The following RNF145 variants were observed in gnomAD, a reference collection of about 807,000 sequenced individuals.
RNF145 encodes the protein ring finger protein 145.
RNF145 carries 12 observed loss-of-function variants against 57.3 expected under a neutral mutation model. The ratio of observed to expected loss-of-function variants is 0.21; its 90% CI spans 0.13 to 0.34. RNF145 has a LOEUF of 0.34. Ranked by LOEUF, RNF145 falls within the 10% of genes least tolerant of loss-of-function variation. The probability of loss-of-function intolerance (pLI) is 1.00; values close to 1 mark genes in which losing one functional copy is unlikely to be tolerated. For synonymous variants in RNF145, 262 were observed against 288.3 expected, an observed-to-expected ratio of 0.91 and a Z score of 0.92; for missense variants, 429 against 799.0, an observed-to-expected ratio of 0.54 and a Z score of 5.58.
chr5:159,159,113 C>A, intron 10 of RNF145, 78 bp from the exon 11 acceptor site: 1 of 1,319,698 alleles, frequency 7.6e-7, no homozygotes. Flanking sequence ...AGTTCTGGTT[C>A]TAACATCTCT....
intron 4 of RNF145, among the ~76,000 whole-genome samples, chr5:159,180,655 T>C (rs1423339239): frequency 6.6e-6 from 1 of 152,034 alleles, no homozygotes; most frequent in African/African-American, 2.4e-5. Context: ...AAGAAACAAG[T>C]GAAATCAACA....
chr5:159,184,961 G>C (rs1785011263), intron 3 of RNF145, among the ~76,000 whole-genome samples: 1 of 152,134 alleles, frequency 6.6e-6, no homozygotes, highest in Admixed American at 6.5e-5. Context: ...TGACAGCCCT[G>C]ATGTTAAGTG....
intron 3 of RNF145, among the ~76,000 whole-genome samples, chr5:159,191,925 C>T (rs2116785): frequency 0.054 from 8,267 of 151,978 alleles, 247 homozygotes; most frequent in Middle Eastern, 0.089. Flanking sequence ...ACTTAGGTCC[C>T]CTTTTTCCTT....
intron 5 of RNF145, among the ~76,000 whole-genome samples, chr5:159,175,789 C>T (rs1478591926): frequency 6.6e-6 from 1 of 152,170 alleles, no homozygotes; most frequent in African/African-American, 2.4e-5. Flanking sequence ...GAATACTTCA[C>T]TTAGCTGTTA....
At position 159,157,513 on chromosome 5, in the gene RNF145, C is replaced by T. The variant is rs528862679; in HGVS notation, c.*1157G>A. ...AAAGTCACATCCCACATTAGGAATACCGAGGTCTGAAAAACACTTTTTGAG... is the reference window on the plus strand; with the variant it reads ...AAAGTCACATCCCACATTAGGAATATCGAGGTCTGAAAAACACTTTTTGAG... On this transcript the variant is annotated 3_prime_UTR_variant, in exon 11 of 11. Coordinates refer to ENST00000424310, the MANE Select transcript of RNF145 (RefSeq NM_001199383.2). 1 of 152,808 alleles carries T rather than the reference C, an allele frequency of 6.5e-6. No homozygotes were observed. Among genetic ancestry groups the T allele is most frequent in the South Asian group, 2.1e-4 (1 of 4,826 alleles). 9.5% of individuals were successfully genotyped at this position (152,808 alleles called of 1,614,324 possible). A position where few individuals can be genotyped will look rare whatever the true frequency, so the allele number is the denominator to read the frequency against.
At chr5:159,194,058 A>T (rs1785372507) in intron 3 of RNF145, among the ~76,000 whole-genome samples, 1 of 152,252 alleles carries the variant, frequency 6.6e-6, no homozygotes, top group Non-Finnish European at 1.5e-5. Flanking sequence ...ATTTAGATCT[A>T]GCAGACTTAG....
chr5:159,180,689 A>G (rs1251636191), intron 4 of RNF145, among the ~76,000 whole-genome samples: 1 of 152,132 alleles, frequency 6.6e-6, no homozygotes, highest in East Asian at 1.9e-4. Context: ...AACCTAACAT[A>G]TCCTAAACAT....
At chr5:159,208,873 TAAGGGAGCGCTCCAGGCCCTGGGAA>T (rs1256712332) in intron 1 of RNF145, among the ~76,000 whole-genome samples, 1 of 143,032 alleles carries the variant, frequency 7.0e-6, no homozygotes, top group Non-Finnish European at 1.5e-5. Context: ...CTCAGGAATG[TAAGGGAGCGCTCCAGGCCCTGGGAA>T]GAGGAAGGGA....
chr5:159,200,170 A>C (rs1785613752), intron 2 of RNF145, among the ~76,000 whole-genome samples: 1 of 152,212 alleles, frequency 6.6e-6, no homozygotes, highest in Non-Finnish European at 1.5e-5. Context: ...TAAATTTTAA[A>C]AAAAATCAAA....
At chr5:159,173,412 T>C (rs573161088) in intron 6 of RNF145, among the ~76,000 whole-genome samples, 1 of 152,288 alleles carries the variant, frequency 6.6e-6, no homozygotes, top group Non-Finnish European at 1.5e-5. Flanking sequence ...GGACTCTTTC[T>C]CGATACTGAA....
At chr5:159,193,264 C>T (rs1045012975) in intron 3 of RNF145, among the ~76,000 whole-genome samples, 1 of 152,218 alleles carries the variant, frequency 6.6e-6, no homozygotes, top group African/African-American at 2.4e-5. Flanking sequence ...TGCAACACTA[C>T]TCTGCCAGCT....
chr5:159,188,697 A>G (rs920483722), intron 3 of RNF145, among the ~76,000 whole-genome samples: 2 of 152,210 alleles, frequency 1.3e-5, no homozygotes, highest in African/African-American at 4.8e-5. Context: ...TTAAATATTT[A>G]TATGACATTG....
At chr5:159,207,739 C>T (rs1785945959) in intron 1 of RNF145, 1 of 1,613,988 alleles carries the variant, frequency 6.2e-7, no homozygotes, top group Admixed American at 1.7e-5. Flanking sequence ...TCCTTGCTAG[C>T]TAACTTTGTA....
intron 3 of RNF145, 115 bp from the exon 4 acceptor site, chr5:159,182,166 T>C (rs1784916464): frequency 1.8e-6 from 1 of 550,912 alleles, no homozygotes; most frequent in East Asian, 2.8e-5. Flanking sequence ...TAAGGAAAAA[T>C]TTAGATATGA....
At position 159,169,046 on chromosome 5, in the gene RNF145, T is replaced by C. The variant is rs1447534440; in HGVS notation, c.948A>G (p.Thr316=). 8.4e-6 allele frequency: 13 copies of C among 1,552,400 alleles called. No homozygotes were observed. Among genetic ancestry groups the C allele is most frequent in the Non-Finnish European group, 1.0e-5 (12 of 1,158,320 alleles). ...CCAGGATTAACAGCGTTACTCCTTC[T>C]GTCATGCCCCTAAAAAAAGCATACA... The part of the protein sequence containing the change: ...MNDPAMNRGM[T]EGVTLLILAV... Residue 316 remains threonine (T), a synonymous_variant, in exon 8 of 11, where the codon ACA becomes ACG. Coordinates refer to ENST00000424310, the MANE Select transcript of RNF145 (RefSeq NM_001199383.2).
At chr5:159,163,613 G>GTT (rs1221200185) in intron 8 of RNF145, among the ~76,000 whole-genome samples, 1 of 152,136 alleles carries the variant, frequency 6.6e-6, no homozygotes, top group East Asian at 1.9e-4. Flanking sequence ...CAACTGTATT[G>GTT]TAAGATCTAC....
At chr5:159,171,045 T>C (rs1784535069) in intron 6 of RNF145, among the ~76,000 whole-genome samples, 1 of 152,204 alleles carries the variant, frequency 6.6e-6, no homozygotes, top group Non-Finnish European at 1.5e-5. Context: ...TATTAGTTGG[T>C]TTTTATGTGA....
rs1013558049 is a variant in RNF145, at chr5:159,158,287, CCTT to C, written c.*380_*382del. ...TGAAAGTTCAGTTCCACTTCTGCCTCCTTCTTTCCATGCTGTCCTCATGCTCTT... is the reference window on the plus strand; with the variant it reads ...TGAAAGTTCAGTTCCACTTCTGCCTCCTTTCCATGCTGTCCTCATGCTCTT... On this transcript the variant is annotated 3_prime_UTR_variant, in exon 11 of 11. Coordinates refer to ENST00000424310, the MANE Select transcript of RNF145 (RefSeq NM_001199383.2). 4.7e-6 allele frequency: 1 copy of C among 214,722 alleles called. No homozygotes were observed. Among genetic ancestry groups the C allele is most frequent in the Admixed American group, 5.2e-5 (1 of 19,348 alleles). 13.3% of individuals were successfully genotyped at this position (214,722 alleles called of 1,614,324 possible). A position where few individuals can be genotyped will look rare whatever the true frequency, so the allele number is the denominator to read the frequency against.
intron 6 of RNF145, among the ~76,000 whole-genome samples, chr5:159,172,565 G>A (rs994402649): frequency 1.3e-5 from 2 of 151,440 alleles, no homozygotes; most frequent in African/African-American, 2.4e-5. Flanking sequence ...TAGATTAATC[G>A]TTAAAATGTA....
Sources: gnomAD v4.1 joint callset for allele counts (sites outside exome capture counted in the v4.1 genomes callset) on GRCh38, gnomAD v4.1.1 for gene constraint, MANE v1.5 for transcripts, NCBI Gene and HGNC (gene_info 2026-07-23, HGNC 2026-07-21) for gene names.